Variants in SDC4 observed in about 807,000 individuals in gnomAD.
SDC4 encodes syndecan-4.
In SDC4, 17 loss-of-function variants were observed where a neutral mutation model predicts 20.5. The observed-to-expected ratio is 0.83, with a 90% CI of 0.57 to 1.25. The LOEUF is 1.25. Ranked by LOEUF, SDC4 falls within the 50% of genes most tolerant of loss-of-function variation. SDC4 has a pLI of 0.00. For missense variants in SDC4, 241 were observed against 252.3 expected (o/e 0.96, Z 0.30); for synonymous variants, 107 against 105.3 (o/e 1.02, Z -0.10).
chr20:45,331,956 T>C (rs1987784538), intron 3 of SDC4, among the ~76,000 whole-genome samples: 1 of 152,192 alleles, frequency 6.6e-6, no homozygotes, highest in African/African-American at 2.4e-5. Context: ...AAACTTGTTA[T>C]TGCTTTGCAA....
chr20:45,332,060 T>C (rs1219334744), intron 3 of SDC4, among the ~76,000 whole-genome samples: 1 of 152,184 alleles, frequency 6.6e-6, no homozygotes. Flanking sequence ...AGGTAAACTA[T>C]TACGCAGCCT....
chr20:45,347,916 C>T (rs1182444225), intron 1 of SDC4, among the ~76,000 whole-genome samples: 2 of 152,128 alleles, frequency 1.3e-5, no homozygotes, highest in African/African-American at 4.8e-5. Flanking sequence ...GCCCCCCGAC[C>T]CCCAGGGCCA....
At position 45,335,980 on chromosome 20, in the gene SDC4, C is replaced by T. The variant is rs117291399; in HGVS notation, c.61-60G>A. ...CCCCAGTGCTCCATGACAGCTGATG[C>T]CCAAAAGCTAGTGAAGTGGGCATTC... is the stretch of plus-strand genomic sequence containing the variant. On this transcript the variant is annotated intron_variant, in intron 1 of 4. Transcript: ENST00000372733. The T allele has an allele frequency of 1.3e-3, 2,051 of 1,569,900 alleles. 61 individuals are homozygous for T. The East Asian group carries it at 0.043, about 33-fold the overall frequency.
At chr20:45,327,551 T>G (rs2076025) in intron 4 of SDC4, 136 bp from the exon 5 acceptor site, 1 of 997,474 alleles carries the variant, frequency 1.0e-6, no homozygotes, top group African/African-American at 1.6e-5. Flanking sequence ...CCAGGCAAGC[T>G]GATGCCTTAT....
intron 1 of SDC4, among the ~76,000 whole-genome samples, chr20:45,344,632 A>G (rs1988005153): frequency 6.6e-6 from 1 of 152,198 alleles, no homozygotes; most frequent in Non-Finnish European, 1.5e-5. Context: ...AGTCCTTGGA[A>G]AAGCCCTCTG....
In SDC4 at chr20:45,325,772, T is replaced by C. The variant is rs1987676602; in HGVS notation, c.*1492A>G. The C allele has an allele frequency of 6.6e-6, 1 of 152,274 alleles. No homozygotes were observed. The highest frequency in any genetic ancestry group is 2.1e-4 in the South Asian group (1 of 4,832). 9.4% of individuals were successfully genotyped at this position (152,274 alleles called of 1,614,324 possible). A position where few individuals can be genotyped will look rare whatever the true frequency, so the allele number is the denominator to read the frequency against. On this transcript the variant is annotated 3_prime_UTR_variant, in exon 5 of 5. Coordinates refer to ENST00000372733, the MANE Select transcript of SDC4 (RefSeq NM_002999.4). ...TACAGTAGCCATGAACTACATACAG[T>C]GACGCCTCTAGAAACGTGGTTAGTG... is the stretch of plus-strand genomic sequence containing the variant.
chr20:45,331,421 G>A (rs1987775580), intron 3 of SDC4, among the ~76,000 whole-genome samples: 1 of 152,094 alleles, frequency 6.6e-6, no homozygotes, highest in African/African-American at 2.4e-5. Flanking sequence ...AAGGGAGGGG[G>A]AAAATGTCAG....
chr20:45,336,038 A>T (rs925601745), intron 1 of SDC4, 118 bp from the exon 2 acceptor site: 4 of 1,079,024 alleles, frequency 3.7e-6, no homozygotes, highest in Non-Finnish European at 5.3e-6. Context: ...CAGGGCCTGG[A>T]GACCTGCGTC....
At chr20:45,345,068 G>A (rs1203924846) in intron 1 of SDC4, 1 of 152,070 alleles carries the variant, frequency 6.6e-6, no homozygotes, top group East Asian at 1.9e-4. Context: ...CGCAGTACTG[G>A]GAGATACTCA....
chr20:45,337,856 G>T (rs1987896497), intron 1 of SDC4, among the ~76,000 whole-genome samples: 1 of 152,240 alleles, frequency 6.6e-6, no homozygotes, highest in African/African-American at 2.4e-5. Flanking sequence ...TGGGGAGAAT[G>T]CTGAACGCTT....
intron 1 of SDC4, 97 bp downstream of exon 1, chr20:45,348,228 C>T: frequency 9.0e-7 from 1 of 1,106,028 alleles, no homozygotes; most frequent in Admixed American, 2.2e-5. Flanking sequence ...TAGCGTACCC[C>T]CGATCTGCCC....
chr20:45,341,124 G>C (rs941816118), intron 1 of SDC4, among the ~76,000 whole-genome samples: 1 of 152,222 alleles, frequency 6.6e-6, no homozygotes, highest in Non-Finnish European at 1.5e-5. Flanking sequence ...ATTTGTGTGT[G>C]CAAGGGACCC....
intron 2 of SDC4, among the ~76,000 whole-genome samples, chr20:45,333,614 G>C (rs60987497): frequency 1.3e-5 from 2 of 152,084 alleles, no homozygotes; most frequent in African/African-American, 4.8e-5. Flanking sequence ...GGTTGCAGTG[G>C]GCCAAGATGG....
chr20:45,330,053 C>A (rs889866031), intron 4 of SDC4, among the ~76,000 whole-genome samples: 6 of 152,158 alleles, frequency 3.9e-5, no homozygotes, highest in Non-Finnish European at 7.3e-5. Context: ...ATGATTAACT[C>A]CCAGATGCCA....
intron 1 of SDC4, among the ~76,000 whole-genome samples, chr20:45,342,484 C>G (rs1485764448): frequency 1.3e-5 from 2 of 152,226 alleles, no homozygotes; most frequent in African/African-American, 4.8e-5. Context: ...CACATACCAG[C>G]CTCTCCCTGC....
At chr20:45,328,413 A>G (rs549979761) in intron 4 of SDC4, among the ~76,000 whole-genome samples, 2 of 152,378 alleles carry the variant, frequency 1.3e-5, no homozygotes, top group South Asian at 4.1e-4. Context: ...TGCCTAGTGC[A>G]TAGCATATTC....
chr20:45,344,316 A>C (rs1162812285), intron 1 of SDC4, among the ~76,000 whole-genome samples: 1 of 152,134 alleles, frequency 6.6e-6, no homozygotes, highest in Non-Finnish European at 1.5e-5. Flanking sequence ...ACACTGAAAC[A>C]GTGACTCCCA....
At chr20:45,344,881 G>A (rs1420979566) in intron 1 of SDC4, among the ~76,000 whole-genome samples, 1 of 152,076 alleles carries the variant, frequency 6.6e-6, no homozygotes, top group Non-Finnish European at 1.5e-5. Flanking sequence ...ACCCAGCAAC[G>A]CAGAAGTAGG....
chr20:45,333,548 A>T (rs1158815719), intron 2 of SDC4, among the ~76,000 whole-genome samples: 1 of 152,240 alleles, frequency 6.6e-6, no homozygotes, highest in Non-Finnish European at 1.5e-5. Context: ...ACGCGCCTGT[A>T]ATCCCAGCTA....
Sources: gnomAD v4.1 joint callset for allele counts (sites outside exome capture counted in the v4.1 genomes callset) on GRCh38, gnomAD v4.1.1 for gene constraint, MANE v1.5 for transcripts, NCBI Gene and HGNC (gene_info 2026-07-23, HGNC 2026-07-21) for gene names.